PDSS2: variants seen among roughly 807,000 people sequenced by gnomAD.
PDSS2 encodes all trans-polyprenyl-diphosphate synthase PDSS2.
In PDSS2, 31 loss-of-function variants were observed where a neutral mutation model predicts 44.5. The ratio of observed to expected loss-of-function variants is 0.70; its 90% CI spans 0.52 to 0.94. PDSS2 has a LOEUF of 0.94. Ranked by LOEUF, PDSS2 falls within the 40% of genes least tolerant of loss-of-function variation. PDSS2 has a pLI of 0.00. For synonymous variants in PDSS2, 157 were observed against 180.3 expected, an observed-to-expected ratio of 0.87 and a Z score of 1.03; for missense variants, 452 against 482.2, an observed-to-expected ratio of 0.94 and a Z score of 0.59.
At chr6:107,256,880 T>G (rs1265148722) in intron 3 of PDSS2, among the ~76,000 whole-genome samples, 1 of 151,586 alleles carries the variant, frequency 6.6e-6, no homozygotes, top group Admixed American at 6.6e-5. Flanking sequence ...ATAAATTAAT[T>G]AATTAACAAT....
chr6:107,185,473 T>C (rs753481576), intron 7 of PDSS2, among the ~76,000 whole-genome samples: 3 of 152,150 alleles, frequency 2.0e-5, no homozygotes, highest in Non-Finnish European at 4.4e-5. Context: ...AAAATTAAAA[T>C]TGTAGAAAGT....
intron 2 of PDSS2, among the ~76,000 whole-genome samples, chr6:107,278,329 A>C (rs1775855642): frequency 6.6e-6 from 1 of 152,202 alleles, no homozygotes. Flanking sequence ...GGAGACTTAT[A>C]AGACAGTTGA....
chr6:107,185,151 A>AAGG (rs1772122818), intron 7 of PDSS2, among the ~76,000 whole-genome samples: 3 of 150,822 alleles, frequency 2.0e-5, no homozygotes, highest in South Asian at 2.1e-4. Context: ...AAAGAAGAAG[A>AAGG]AGAAGGAGAA....
At chr6:107,251,862 G>A (rs1774831287) in intron 3 of PDSS2, among the ~76,000 whole-genome samples, 1 of 152,168 alleles carries the variant, frequency 6.6e-6, no homozygotes. Context: ...CTATTTGTGA[G>A]ACGCATATAA....
intron 4 of PDSS2, among the ~76,000 whole-genome samples, chr6:107,221,842 C>G (rs2114683316): frequency 1.3e-5 from 2 of 152,302 alleles, no homozygotes; most frequent in South Asian, 4.1e-4. Context: ...CAAAGGTGAA[C>G]TAATTGGCCC....
chr6:107,231,738 G>GATC (rs1276144613), intron 4 of PDSS2, among the ~76,000 whole-genome samples: 1 of 152,174 alleles, frequency 6.6e-6, no homozygotes, highest in African/African-American at 2.4e-5. Flanking sequence ...GAGGTGGATG[G>GATC]ATCAGCTGAG....
chr6:107,423,644 C>A (rs576617960), intron 1 of PDSS2, among the ~76,000 whole-genome samples: 4 of 152,276 alleles, frequency 2.6e-5, no homozygotes, highest in African/African-American at 9.6e-5. Context: ...GCCCTTCCAG[C>A]ATTTAAAGAA....
chr6:107,352,160 G>C (rs1479345911), intron 1 of PDSS2, among the ~76,000 whole-genome samples: 1 of 152,196 alleles, frequency 6.6e-6, no homozygotes, highest in Admixed American at 6.5e-5. Flanking sequence ...TGTTAAGTTA[G>C]TATTGCTATT....
chr6:107,227,074 G>C (rs1773852995), intron 4 of PDSS2, among the ~76,000 whole-genome samples: 1 of 151,758 alleles, frequency 6.6e-6, no homozygotes, highest in Non-Finnish European at 1.5e-5. Flanking sequence ...CCGCCTCCTG[G>C]GTTCAAGCGA....
At chr6:107,261,544 C>T (rs1014511675) in intron 3 of PDSS2, among the ~76,000 whole-genome samples, 8 of 150,366 alleles carry the variant, frequency 5.3e-5, no homozygotes, top group Admixed American at 5.3e-4. Context: ...CTTTTCTTTA[C>T]AAAATTACCC....
intron 2 of PDSS2, among the ~76,000 whole-genome samples, chr6:107,284,678 G>GAGT: frequency 1.5e-5 from 2 of 132,856 alleles, no homozygotes; most frequent in South Asian, 5.0e-4. Flanking sequence ...AAAAAAAAAA[G>GAGT]AGTTGTTAAC....
chr6:107,316,532 T>C (rs1777205086), intron 2 of PDSS2, among the ~76,000 whole-genome samples: 1 of 152,184 alleles, frequency 6.6e-6, no homozygotes, highest in Non-Finnish European at 1.5e-5. Flanking sequence ...GATTCCTGAA[T>C]GGATTGTTAG....
intron 1 of PDSS2, among the ~76,000 whole-genome samples, chr6:107,335,735 G>A (rs895114369): frequency 2.6e-5 from 4 of 151,948 alleles, no homozygotes; most frequent in Non-Finnish European, 5.9e-5. Flanking sequence ...AAAACTATGG[G>A]CAATATATTA....
intron 3 of PDSS2, among the ~76,000 whole-genome samples, chr6:107,260,869 A>G (rs1364880052): frequency 3.3e-5 from 5 of 151,798 alleles, no homozygotes; most frequent in African/African-American, 9.7e-5. Flanking sequence ...TCACCGTGTT[A>G]GCCAGGATGG....
At chr6:107,429,916 A>T (rs1781135656) in intron 1 of PDSS2, among the ~76,000 whole-genome samples, 1 of 100,922 alleles carries the variant, frequency 9.9e-6, no homozygotes, top group African/African-American at 4.8e-5. Context: ...ATATATATAT[A>T]TATATATATA....
chr6:107,354,936 A>T (rs1189082526), intron 1 of PDSS2, among the ~76,000 whole-genome samples: 5 of 146,218 alleles, frequency 3.4e-5, no homozygotes, highest in Non-Finnish European at 7.6e-5. Context: ...ACTTTTTTCT[A>T]TTTTTTTTTT....
intron 2 of PDSS2, among the ~76,000 whole-genome samples, chr6:107,301,563 T>C (rs1582913156): frequency 6.6e-6 from 1 of 152,228 alleles, no homozygotes; most frequent in African/African-American, 2.4e-5. Context: ...CAGACTGTAA[T>C]ATTTTTTCAG....
chr6:107,209,455 C>T (rs902549481), intron 6 of PDSS2, among the ~76,000 whole-genome samples: 2 of 151,362 alleles, frequency 1.3e-5, no homozygotes, highest in African/African-American at 2.4e-5. Context: ...CAGTTTTCTA[C>T]TTGGTGAATA....
chr6:107,309,036 A>G (rs537907987), intron 2 of PDSS2, among the ~76,000 whole-genome samples: 11 of 152,342 alleles, frequency 7.2e-5, no homozygotes, highest in African/African-American at 1.2e-4. Context: ...CACAGCCCCA[A>G]ATGATTTGGA....
Sources: gnomAD v4.1 joint callset for allele counts (sites outside exome capture counted in the v4.1 genomes callset) on GRCh38, gnomAD v4.1.1 for gene constraint, MANE v1.5 for transcripts, NCBI Gene and HGNC (gene_info 2026-07-23, HGNC 2026-07-21) for gene names.